Variants in CD44 observed in about 807,000 individuals in gnomAD.
CD44 encodes CD44 molecule (IN blood group), also known as CD44 antigen.
CD44 carries 49 observed loss-of-function variants against 88.8 expected under a neutral mutation model. That is an observed-to-expected ratio of 0.55 (90% CI 0.44 to 0.70). The LOEUF (loss-of-function observed/expected upper bound fraction) is 0.70, where lower values mean the gene tolerates loss of function less well. Among genes scored for constraint, CD44 ranks in the 30% least tolerant of loss-of-function variants. The pLI, the probability that CD44 is intolerant of heterozygous loss-of-function variation, is 0.00. For synonymous variants in CD44, 325 were observed against 312.3 expected (o/e 1.04, Z -0.43); for missense variants, 883 against 913.8 (o/e 0.97, Z 0.43).
intron 9 of CD44, 140 bp downstream of exon 9, chr11:35,201,927 CTGCTAAACCCGCACACAAAT>C: frequency 1.1e-6 from 1 of 928,518 alleles, no homozygotes; most frequent in Non-Finnish European, 1.6e-6. Flanking sequence ...GCCTGAAAAG[CTGCTAAACCCGCACACAAAT>C]TTTAAAAATT....
intron 17 of CD44, chr11:35,223,450 C>T (rs1565163145): frequency 9.7e-6 from 2 of 207,182 alleles, no homozygotes; most frequent in Non-Finnish European, 8.4e-6. Flanking sequence ...TTAGGGAGAC[C>T]TCGGAGAAGC....
intron 9 of CD44, 96 bp from the exon 10 acceptor site, chr11:35,204,416 C>G: frequency 8.5e-7 from 1 of 1,173,732 alleles, no homozygotes; most frequent in East Asian, 2.4e-5. Flanking sequence ...ACCTTCCCTC[C>G]CCATGTGTAT....
At chr11:35,198,501 T>A (rs1187774383) in intron 7 of CD44, 1 of 446,338 alleles carries the variant, frequency 2.2e-6, no homozygotes, top group Non-Finnish European at 4.0e-6. Flanking sequence ...CTGCTACAGA[T>A]TGTCTTTGAA....
At chr11:35,167,636 T>C (rs1943442454) in intron 1 of CD44, among the ~76,000 whole-genome samples, 1 of 152,104 alleles carries the variant, frequency 6.6e-6, no homozygotes, top group African/African-American at 2.4e-5. Flanking sequence ...GCTGCCCAAG[T>C]GGTTTGTGTG....
intron 17 of CD44, among the ~76,000 whole-genome samples, chr11:35,226,548 C>T (rs1949700665): frequency 6.6e-6 from 1 of 152,264 alleles, no homozygotes; most frequent in Non-Finnish European, 1.5e-5. Context: ...GTTATATTAA[C>T]AATTATAGAT....
chr11:35,160,031 C>T (rs1942402755), intron 1 of CD44, among the ~76,000 whole-genome samples: 1 of 152,194 alleles, frequency 6.6e-6, no homozygotes. Context: ...TTCCTCTCCT[C>T]ACTCTCCCCA....
At chr11:35,218,924 G>A in intron 15 of CD44, 1 of 186,430 alleles carries the variant, frequency 5.4e-6, no homozygotes, top group African/African-American at 2.3e-5. Flanking sequence ...ATGATGAACA[G>A]CATTCTGTTA....
chr11:35,226,358 G>A (rs548364965), intron 17 of CD44, among the ~76,000 whole-genome samples: 3 of 152,326 alleles, frequency 2.0e-5, no homozygotes, highest in African/African-American at 7.2e-5. Context: ...CCATTGGTTA[G>A]GGAAATGGGA....
chr11:35,215,259 T>C (rs906418196), intron 15 of CD44, among the ~76,000 whole-genome samples: 1 of 152,198 alleles, frequency 6.6e-6, no homozygotes, highest in Non-Finnish European at 1.5e-5. Flanking sequence ...AATTTAACCT[T>C]GCACTACACC....
At chr11:35,166,832 C>T (rs1943329108) in intron 1 of CD44, among the ~76,000 whole-genome samples, 1 of 152,250 alleles carries the variant, frequency 6.6e-6, no homozygotes, top group Non-Finnish European at 1.5e-5. Context: ...GCCTCCAGGG[C>T]AATTCCGGGA....
intron 1 of CD44, among the ~76,000 whole-genome samples, chr11:35,172,590 C>T (rs910967518): frequency 6.6e-6 from 1 of 152,168 alleles, no homozygotes; most frequent in Non-Finnish European, 1.5e-5. Context: ...CATCTTGTCC[C>T]TTCTTCAAAC....
intron 5 of CD44, 55 bp from the exon 6 acceptor site, chr11:35,196,691 T>G: frequency 1.3e-6 from 2 of 1,577,508 alleles, no homozygotes; most frequent in Non-Finnish European, 1.7e-6. Context: ...CAATGCTATT[T>G]CTTAGGAACC....
intron 17 of CD44, chr11:35,222,328 G>A: frequency 1.1e-6 from 1 of 939,754 alleles, no homozygotes; most frequent in Non-Finnish European, 1.5e-6. Flanking sequence ...TTTGTTTGTT[G>A]TTTGGTTTTT....
chr11:35,219,910 C>T (rs976280286), intron 16 of CD44, among the ~76,000 whole-genome samples: 2 of 152,196 alleles, frequency 1.3e-5, no homozygotes, highest in Non-Finnish European at 2.9e-5. Flanking sequence ...ACAGAATAAA[C>T]TTTTCAGAAA....
At chr11:35,146,144 T>C (rs868445322) in intron 1 of CD44, among the ~76,000 whole-genome samples, 60 of 152,256 alleles carry the variant, frequency 3.9e-4, no homozygotes, top group African/African-American at 1.4e-3. Context: ...TGTGTCCTCC[T>C]GAGGTAAGTG....
At position 35,144,955 on chromosome 11, in the gene CD44, C is replaced by A. The variant is rs76298644; in HGVS notation, c.67+5585C>A. 6.2e-3 allele frequency among the ~76,000 whole-genome samples: 946 copies of A among 152,326 alleles called. 13 individuals carry two copies. Among genetic ancestry groups the A allele is most frequent in the African/African-American group, 0.022 (899 of 41,570 alleles). ...TAAGTATTTCATATTCCTCCCCTCTCCATTGCTCAATTGCCCCACTGGGTG... is the reference window on the plus strand; with the variant it reads ...TAAGTATTTCATATTCCTCCCCTCTACATTGCTCAATTGCCCCACTGGGTG... On this transcript the variant is annotated intron_variant, in intron 1 of 17. Coordinates refer to ENST00000428726, the MANE Select transcript of CD44 (RefSeq NM_000610.4).
chr11:35,219,897 T>C (rs1263805988), intron 16 of CD44, among the ~76,000 whole-genome samples: 2 of 152,200 alleles, frequency 1.3e-5, no homozygotes, highest in African/African-American at 4.8e-5. Flanking sequence ...CCTGCTGATG[T>C]GGACAGAATA....
intron 12 of CD44, among the ~76,000 whole-genome samples, chr11:35,209,455 G>A (rs980460818): frequency 1.3e-5 from 2 of 152,086 alleles, no homozygotes; most frequent in Admixed American, 6.6e-5. Flanking sequence ...GTATAAATTT[G>A]ATCTGTGTTA....
intron 1 of CD44, among the ~76,000 whole-genome samples, chr11:35,152,501 C>A (rs530285113): frequency 1.8e-3 from 269 of 152,306 alleles, no homozygotes; most frequent in African/African-American, 6.0e-3. Flanking sequence ...ACTGTGTGAA[C>A]CATTTGGGGA....
Sources: gnomAD v4.1 joint callset for allele counts (sites outside exome capture counted in the v4.1 genomes callset) on GRCh38, gnomAD v4.1.1 for gene constraint, MANE v1.5 for transcripts, NCBI Gene and HGNC (gene_info 2026-07-23, HGNC 2026-07-21) for gene names.